The following SPATA18 variants were observed in gnomAD, a reference collection of about 807,000 sequenced individuals.
The protein encoded by SPATA18 is mitochondria-eating protein.
Under a neutral mutation model 68.1 loss-of-function variants are expected in SPATA18, and 54 were observed. The observed-to-expected ratio is 0.79, with a 90% confidence interval of 0.64 to 0.99. The LOEUF is 0.99. Among genes scored for constraint, SPATA18 ranks in the 50% least tolerant of loss-of-function variants. The probability of loss-of-function intolerance (pLI) is 0.00; values close to 1 mark genes in which losing one functional copy is unlikely to be tolerated. For synonymous variants in SPATA18, 242 were observed against 244.8 expected (o/e 0.99, Z 0.11); for missense variants, 724 against 681.1 (o/e 1.06, Z -0.70).
Position 52,096,188 on chromosome 4 carries a change from A to C in SPATA18, c.*1301A>C, listed in dbSNP as rs1214372253. 6.6e-6 allele frequency: 1 copy of C among 152,188 alleles called. No individual in the cohort carries two copies. Among genetic ancestry groups the C allele is most frequent in the African/African-American group, 2.4e-5 (1 of 41,446 alleles). The allele number at this position is 152,188 out of a possible 1,614,324, so 9.4% of individuals were successfully genotyped here. On this transcript the variant is annotated 3_prime_UTR_variant, in exon 13 of 13. Transcript: ENST00000295213. ...TCTAATGGTCACCACCTCATTCTGAAGTATGAGTTGAATTTTTTGCCCTCT... is the reference window on the plus strand; with the variant it reads ...TCTAATGGTCACCACCTCATTCTGACGTATGAGTTGAATTTTTTGCCCTCT...
chr4:52,079,712 G>A, intron 8 of SPATA18, 32 bp from the exon 9 acceptor site: 1 of 1,609,422 alleles, frequency 6.2e-7, no homozygotes, highest in Non-Finnish European at 8.5e-7. Context: ...TCACAGGCTG[G>A]TAACAAAGTG....
Position 52,068,556 on chromosome 4 carries a change from G to T in SPATA18, c.423-1265G>T, listed in dbSNP as rs1739524654. ...TTATTAGAGGAGGAAGCAGGTGGGG[G>T]ATGGAATTTTCGGTGTCTGGTTAGG... is the stretch of plus-strand genomic sequence containing the variant. On this transcript the variant is annotated intron_variant, in intron 4 of 12. Transcript: ENST00000295213. Among the ~76,000 whole-genome samples the T allele has an allele frequency of 2.6e-5, 4 of 152,220 alleles. No homozygotes were observed. The South Asian group carries it at 8.3e-4, about 31-fold the overall frequency.
chr4:52,089,386 AT>A (rs1158118942), intron 11 of SPATA18, among the ~76,000 whole-genome samples: 1 of 152,158 alleles, frequency 6.6e-6, no homozygotes, highest in African/African-American at 2.4e-5. Context: ...TAGGGTGTCA[AT>A]TTTAGATCTT....
At position 52,084,493 on chromosome 4, in the gene SPATA18, A is replaced by G. The variant is rs573998939; in HGVS notation, c.1480-423A>G. Among the ~76,000 whole-genome samples the G allele has an allele frequency of 8.3e-4, 126 of 152,294 alleles. 2 individuals carry two copies. The highest frequency in any genetic ancestry group is 1.1e-3 in the Non-Finnish European group (72 of 68,014). The stretch of plus-strand genomic sequence containing the variant: ...GTAGTGGTGTTTTATTCATTCATCC[A>G]ATGATATTTATTTATTCAATAGTTA... On this transcript the variant is annotated intron_variant, in intron 10 of 12. Coordinates refer to ENST00000295213, the MANE Select transcript of SPATA18 (RefSeq NM_145263.4).
At position 52,086,920 on chromosome 4, in the gene SPATA18, A is replaced by G. The variant is rs111793512; in HGVS notation, c.1563+1921A>G. Among the ~76,000 whole-genome samples, 6 of 152,324 alleles carry G rather than the reference A, an allele frequency of 3.9e-5. 1 individual carries two copies. The highest frequency in any genetic ancestry group is 1.4e-4 in the African/African-American group (6 of 41,568). On this transcript the variant is annotated intron_variant, in intron 11 of 12. Coordinates refer to ENST00000295213, the MANE Select transcript of SPATA18 (RefSeq NM_145263.4). ...ATTCCTATTTTTCCACAACCTCTCC[A>G]GGATGTGTTGTTTCCTGACTTTTTA...
chr4:52,088,086 G>A (rs1322020961), intron 11 of SPATA18, among the ~76,000 whole-genome samples: 3 of 152,146 alleles, frequency 2.0e-5, no homozygotes, highest in Non-Finnish European at 4.4e-5. Context: ...TGTTATTGGT[G>A]TATAGGAATG....
At chr4:52,052,558 C>T (rs1299826707) in intron 1 of SPATA18, among the ~76,000 whole-genome samples, 1 of 152,194 alleles carries the variant, frequency 6.6e-6, no homozygotes, top group Non-Finnish European at 1.5e-5. Context: ...GGGATTTCCC[C>T]TCTTACATAA....
chr4:52,095,344 T>C lies in SPATA18; in HGVS notation c.*457T>C. 6.1e-6 allele frequency: 1 copy of C among 163,180 alleles called. No homozygotes were observed. Among genetic ancestry groups the C allele is most frequent in the South Asian group, 1.8e-4 (1 of 5,528 alleles). 10.1% of individuals were successfully genotyped at this position (163,180 alleles called of 1,614,324 possible). ...TTAGCTCAAAACCAATATTAGGTGT[T>C]TTAATTTCCTTTTAAGGTTTGGAAG... On this transcript the variant is annotated 3_prime_UTR_variant, in exon 13 of 13. Transcript: ENST00000295213.
At chr4:52,094,699 T>C (rs1235748572) in intron 12 of SPATA18, 127 bp downstream of exon 12, 38 of 1,290,424 alleles carry the variant, frequency 2.9e-5, no homozygotes, top group Non-Finnish European at 4.0e-5. Context: ...CCTCACACCT[T>C]TCATGTCTGG....
chr4:52,064,650 A>G (rs1256589441), intron 4 of SPATA18, among the ~76,000 whole-genome samples: 1 of 152,132 alleles, frequency 6.6e-6, no homozygotes, highest in African/African-American at 2.4e-5. Context: ...GTGTATATAT[A>G]CCACATTTTC....
chr4:52,069,168 C>A (rs1034850908), intron 4 of SPATA18, among the ~76,000 whole-genome samples: 2 of 152,172 alleles, frequency 1.3e-5, no homozygotes, highest in East Asian at 1.9e-4. Context: ...TGCACCCAGC[C>A]TCACTTATTT....
chr4:52,063,350 G>A (rs550141752), intron 4 of SPATA18, among the ~76,000 whole-genome samples: 5 of 152,104 alleles, frequency 3.3e-5, no homozygotes, highest in South Asian at 2.1e-4. Flanking sequence ...TTGTTTTCTT[G>A]TCCCCATTAA....
rs190155032 is a variant in SPATA18 at position 52,084,954 on chromosome 4, G to C, written c.1518G>C (p.Arg506Ser). ...GATCTGTAAGTCGTTGTCGAAGCAG[G>C]AGTTTAAGTCCCATTTGCCCCCGTA... ...SVRSVSRCRS[R>S]SLSPICPRSQ... The change falls in exon 11 of 13, where the codon AGG (arginine) becomes AGC (serine). Residue 506 changes from arginine to serine, a missense_variant. Coordinates refer to ENST00000295213, the MANE Select transcript of SPATA18 (RefSeq NM_145263.4). 4 of 1,613,804 alleles carry C rather than the reference G, an allele frequency of 2.5e-6. No individual in the cohort carries two copies. The African/African-American group carries it at 5.3e-5, about 22-fold the overall frequency.
At position 52,096,484 on chromosome 4, in the gene SPATA18, T is replaced by C. The variant is rs878892696; in HGVS notation, c.*1597T>C. On this transcript the variant is annotated 3_prime_UTR_variant, in exon 13 of 13. Coordinates refer to ENST00000295213, the MANE Select transcript of SPATA18 (RefSeq NM_145263.4). ...GAAAATTAAAGTTAATATAATCATC[T>C]ATGTGCATGTATAATTTTAAGCAGT... The C allele has an allele frequency of 5.9e-5, 9 of 152,146 alleles. No individual in the cohort carries two copies. In the South Asian group the frequency reaches 1.9e-3, roughly 31 times the overall value. The allele number at this position is 152,146 out of a possible 1,614,324, so 9.4% of individuals were successfully genotyped here.
chr4:52,064,250 T>C (rs900819331), intron 4 of SPATA18, among the ~76,000 whole-genome samples: 1 of 151,862 alleles, frequency 6.6e-6, no homozygotes, highest in East Asian at 1.9e-4. Context: ...AGATGCTTGC[T>C]GCTTTTCCCT....
chr4:52,071,831 A>G (rs909331920), intron 5 of SPATA18, 86 bp from the exon 6 acceptor site: 26 of 1,345,456 alleles, frequency 1.9e-5, no homozygotes, highest in Non-Finnish European at 2.6e-5. Flanking sequence ...AAGCATGCCA[A>G]TTGCTGCTTA....
Position 52,088,489 on chromosome 4 carries a change from G to A in SPATA18, c.1563+3490G>A, listed in dbSNP as rs1371463219. On this transcript the variant is annotated intron_variant, in intron 11 of 12. Transcript: ENST00000295213. ...ATTGAGAGTTTTTTAGCATGAAGGC[G>A]TGTGGAATTTTATTGAATTTATTGA... is the stretch of plus-strand genomic sequence containing the variant. Among the ~76,000 whole-genome samples the A allele has an allele frequency of 2.0e-5, 3 of 151,946 alleles. No individual in the cohort carries two copies. In the East Asian group the frequency reaches 5.8e-4, roughly 29 times the overall value.
intron 5 of SPATA18, among the ~76,000 whole-genome samples, 170 bp from the exon 6 acceptor site, chr4:52,071,747 A>T (rs1739860645): frequency 6.6e-6 from 1 of 152,120 alleles, no homozygotes; most frequent in African/African-American, 2.4e-5. Context: ...GCTCCTTGCT[A>T]ATTTGTTCAT....
At chr4:52,080,623 C>G (rs1363892263) in intron 9 of SPATA18, among the ~76,000 whole-genome samples, 3 of 152,180 alleles carry the variant, frequency 2.0e-5, no homozygotes, top group Non-Finnish European at 4.4e-5. Flanking sequence ...TAAGCAGCCT[C>G]AAGCTGCTTA....
Sources: allele counts gnomAD v4.1 joint callset (sites outside exome capture counted in the v4.1 genomes callset), GRCh38; gene constraint gnomAD v4.1.1; transcripts MANE v1.5; gene names NCBI Gene and HGNC (gene_info 2026-07-23, HGNC 2026-07-21).